PTHLH: variants seen among roughly 807,000 people sequenced by gnomAD.
PTHLH encodes the protein parathyroid hormone-related protein.
PTHLH carries 5 observed loss-of-function variants against 18.6 expected under a neutral mutation model. The ratio of observed to expected loss-of-function variants is 0.27; its 90% CI spans 0.14 to 0.56. PTHLH has a LOEUF of 0.56. Ranked by LOEUF, PTHLH falls within the 20% of genes least tolerant of loss-of-function variation. PTHLH has a pLI of 0.92. For missense variants in PTHLH, 207 were observed against 223.9 expected, an observed-to-expected ratio of 0.92 and a Z score of 0.48; for synonymous variants, 90 against 94.0, an observed-to-expected ratio of 0.96 and a Z score of 0.25.
At position 27,968,556 on chromosome 12, in the gene PTHLH, A is replaced by C. The variant is rs1337982677; in HGVS notation, c.101+838T>G. Among the ~76,000 whole-genome samples, 7 of 152,226 alleles carry C rather than the reference A, an allele frequency of 4.6e-5. No individual in the cohort carries two copies. In the East Asian group the frequency reaches 1.3e-3, roughly 29 times the overall value. ...AACTGCTAGGTCCAACAGATTATTA[A>C]GATCATGTTACTCTATCACTCTTCC... is the stretch of plus-strand genomic sequence containing the variant. On this transcript the variant is annotated intron_variant, in intron 4 of 5. Coordinates refer to ENST00000545234, the MANE Select transcript of PTHLH (RefSeq NM_198965.2).
At chr12:27,969,754 G>A (rs1200795221) in intron 3 of PTHLH, 2 of 710,384 alleles carry the variant, frequency 2.8e-6, no homozygotes, top group Non-Finnish European at 5.2e-6. Context: ...AGGGAAAAAA[G>A]AAACAAATCA....
At chr12:27,959,026 C>A (rs573122777) in intron 5 of PTHLH, among the ~76,000 whole-genome samples, 47 of 152,332 alleles carry the variant, frequency 3.1e-4, no homozygotes, top group African/African-American at 1.1e-3. Flanking sequence ...TTCAGGTGCT[C>A]ATTTGGACAA....
chr12:27,963,325 T>C, intron 5 of PTHLH, 23 bp downstream of exon 5: 1 of 1,614,206 alleles, frequency 6.2e-7, no homozygotes, highest in Non-Finnish European at 8.5e-7. Flanking sequence ...CCGCTGAGGC[T>C]ACGGGCCAGA....
At position 27,964,234 on chromosome 12, in the gene PTHLH, TTCTCTCTC is replaced by T. The variant is rs60461766; in HGVS notation, c.102-472_102-465del. On this transcript the variant is annotated intron_variant, in intron 4 of 5. Transcript: ENST00000545234. The stretch of plus-strand genomic sequence containing the variant: ...AAAGGCAGCTGCTTTTACCTGAGTA[TTCTCTCTC>T]TCTCTCTCTCTCTCTCTCTCTCTCT... Among the ~76,000 whole-genome samples, 31 of 144,632 alleles carry T rather than the reference TTCTCTCTC, an allele frequency of 2.1e-4. No homozygotes were observed. The South Asian group carries it at 4.1e-3, about 19-fold the overall frequency. 94.9% of individuals were successfully genotyped at this position (144,632 alleles called of 152,430 possible).
At chr12:27,966,915 T>C (rs184587022) in intron 4 of PTHLH, among the ~76,000 whole-genome samples, 74 of 152,304 alleles carry the variant, frequency 4.9e-4, no homozygotes, top group African/African-American at 1.8e-3. Flanking sequence ...GAAGAAGCAG[T>C]ATGCTTGTAC....
chr12:27,967,722 C>T (rs2062828479), intron 4 of PTHLH, among the ~76,000 whole-genome samples: 1 of 152,210 alleles, frequency 6.6e-6, no homozygotes, highest in African/African-American at 2.4e-5. Context: ...TTATAACCAT[C>T]TGCTGAGTGT....
rs76015901 is a variant in PTHLH at position 27,958,767 on chromosome 12, G to A, written c.525-199C>T. 2.3e-4 allele frequency among the ~76,000 whole-genome samples: 35 copies of A among 152,332 alleles called. No individual in the cohort carries two copies. The East Asian group carries it at 4.6e-3, about 20-fold the overall frequency. ...CTCCATAACCTCTGTTACAGGCAGGGTCTTCAACCTGACTTAGCCCATATG... is the reference window on the plus strand; with the variant it reads ...CTCCATAACCTCTGTTACAGGCAGGATCTTCAACCTGACTTAGCCCATATG... On this transcript the variant is annotated intron_variant, in intron 5 of 5. Transcript: ENST00000545234.
At chr12:27,966,025 A>G (rs2062809463) in intron 4 of PTHLH, among the ~76,000 whole-genome samples, 1 of 152,172 alleles carries the variant, frequency 6.6e-6, no homozygotes, top group Non-Finnish European at 1.5e-5. Flanking sequence ...AGTGTAGCCC[A>G]TTTTAGCTTA....
In PTHLH at chr12:27,970,966, C is replaced by T. The variant is rs559828072; in HGVS notation, c.-265-699G>A. ...TTCCAGATTTCATATCTAAATTGCA[C>T]TTTTTGCTGTTTCAGAACTGCTGGG... On this transcript the variant is annotated intron_variant, in intron 2 of 5. Transcript: ENST00000545234. 3.9e-5 allele frequency among the ~76,000 whole-genome samples: 6 copies of T among 152,250 alleles called. No homozygotes were observed. The East Asian group carries it at 1.2e-3, about 29-fold the overall frequency.
chr12:27,962,740 A>G (rs2062772650), intron 5 of PTHLH: 1 of 981,074 alleles, frequency 1.0e-6, no homozygotes, highest in Middle Eastern at 5.2e-4. Context: ...GCTGGTAGAA[A>G]CCAGAGTTAA....
chr12:27,963,570 CCCT>C lies in PTHLH; in HGVS notation c.299_301del (p.Glu100del). 3 of 1,614,178 alleles carry C rather than the reference CCCT, an allele frequency of 1.9e-6. No homozygotes were observed. Among genetic ancestry groups the C allele is most frequent in the Non-Finnish European group, 2.5e-6 (3 of 1,180,036 alleles). On this transcript the variant is annotated inframe_deletion, in exon 5 of 6. Transcript: ENST00000545234. ...GTTAGTTTCCTGAGTTAGGTATCTG[CCCT>C]CATCATCAGACCCAAATCGGACGGG...
In PTHLH at chr12:27,963,340, C is replaced by A. The variant is rs370485908; in HGVS notation, c.524+8G>T. The A allele has an allele frequency of 6.2e-7, 1 of 1,614,224 alleles. No homozygotes were observed. Among genetic ancestry groups the A allele is most frequent in the Non-Finnish European group, 8.5e-7 (1 of 1,180,036 alleles). ...CCGCTGAGGCTACGGGCCAGAGAAGCCTGTTACCGTGAATCGAGCTCCAGC... is the reference window on the plus strand; with the variant it reads ...CCGCTGAGGCTACGGGCCAGAGAAGACTGTTACCGTGAATCGAGCTCCAGC... On this transcript the variant is annotated splice_region_variant and intron_variant, in intron 5 of 5. Coordinates refer to ENST00000545234, the MANE Select transcript of PTHLH (RefSeq NM_198965.2).
chr12:27,968,511 T>C (rs2062837350), intron 4 of PTHLH, among the ~76,000 whole-genome samples: 2 of 152,238 alleles, frequency 1.3e-5, no homozygotes, highest in South Asian at 2.1e-4. Context: ...CACCCAACTA[T>C]GGTGTTATAC....
At chr12:27,969,277 C>G in intron 4 of PTHLH, 117 bp downstream of exon 4, 1 of 1,049,430 alleles carries the variant, frequency 9.5e-7, no homozygotes, top group Non-Finnish European at 1.4e-6. Flanking sequence ...TGGTCCCTCT[C>G]CCTAACCCGG....
intron 5 of PTHLH, among the ~76,000 whole-genome samples, chr12:27,961,289 A>AAC: frequency 3.2e-5 from 1 of 31,574 alleles, no homozygotes; most frequent in South Asian, 9.2e-4. Flanking sequence ...ATATATACGT[A>AAC]TATATATATA....
intron 2 of PTHLH, 165 bp from the exon 3 acceptor site, chr12:27,970,432 G>A (rs2062860374): frequency 6.7e-6 from 1 of 150,124 alleles, no homozygotes; most frequent in Admixed American, 6.6e-5. Flanking sequence ...GGAGCCCCGA[G>A]CCGGGAATGA....
chr12:27,960,252 TTTC>T (rs1443088027), intron 5 of PTHLH, among the ~76,000 whole-genome samples: 5 of 152,214 alleles, frequency 3.3e-5, no homozygotes, highest in African/African-American at 1.2e-4. Context: ...AAATCAGTAT[TTTC>T]CAAGGCAAAA....
Position 27,969,517 on chromosome 12 carries a change from C to T in PTHLH, c.-22-1G>A. 6.4e-7 allele frequency: 1 copy of T among 1,555,536 alleles called. No individual in the cohort carries two copies. The highest frequency in any genetic ancestry group is 1.2e-5 in the South Asian group (1 of 85,028). On this transcript the variant is annotated splice_acceptor_variant, in intron 3 of 5. Coordinates refer to ENST00000545234, the MANE Select transcript of PTHLH (RefSeq NM_198965.2). LOFTEE classifies it low-confidence loss of function (5UTR_SPLICE). ...CATCGTCTCCGCTCGCGCTCGGGAC[C>T]TGCAACAGAAGGGAATGGGACCCGA...
chr12:27,962,775 T>C (rs1456366833), intron 5 of PTHLH: 1 of 974,930 alleles, frequency 1.0e-6, no homozygotes, highest in Non-Finnish European at 1.2e-6. Flanking sequence ...ATTTAAGGCA[T>C]GTGTTTAAAA....
Sources: gnomAD v4.1 joint callset for allele counts (sites outside exome capture counted in the v4.1 genomes callset) on GRCh38, gnomAD v4.1.1 for gene constraint, MANE v1.5 for transcripts, NCBI Gene and HGNC (gene_info 2026-07-23, HGNC 2026-07-21) for gene names.